Variants in COL15A1 observed in about 807,000 individuals in gnomAD.
COL15A1 encodes the protein collagen type XV alpha 1 chain, also known as collagen alpha-1(XV) chain.
Under a neutral mutation model 165.9 loss-of-function variants are expected in COL15A1, and 111 were observed. The observed-to-expected ratio is 0.67, with a 90% CI of 0.57 to 0.78. COL15A1 has a LOEUF of 0.78. Ranked by LOEUF, COL15A1 falls within the 30% of genes least tolerant of loss-of-function variation. The pLI, the probability that COL15A1 is intolerant of heterozygous loss-of-function variation, is 0.00. For synonymous variants in COL15A1, 659 were observed against 674.8 expected, an observed-to-expected ratio of 0.98 and a Z score of 0.36; for missense variants, 1,745 against 1,789.7, an observed-to-expected ratio of 0.98 and a Z score of 0.45.
intron 26 of COL15A1, among the ~76,000 whole-genome samples, chr9:99,046,434 T>A (rs187555530): frequency 1.3e-5 from 2 of 152,174 alleles, no homozygotes; most frequent in Non-Finnish European, 2.9e-5. Flanking sequence ...CACACATTGA[T>A]GTTTGGGAAG....
chr9:99,020,521 C>A, intron 12 of COL15A1, 79 bp downstream of exon 12: 1 of 1,019,810 alleles, frequency 9.8e-7, no homozygotes, highest in Non-Finnish European at 1.5e-6. Context: ...TTTGATTTAG[C>A]CCACTCTGAT....
At chr9:99,019,008 A>C (rs548876993) in intron 11 of COL15A1, among the ~76,000 whole-genome samples, 1 of 152,326 alleles carries the variant, frequency 6.6e-6, no homozygotes, top group South Asian at 2.1e-4. Context: ...AGAGAGAGTT[A>C]GAGATAGAAT....
chr9:98,948,482 C>T (rs537315758), intron 2 of COL15A1, among the ~76,000 whole-genome samples: 2 of 151,728 alleles, frequency 1.3e-5, no homozygotes, highest in African/African-American at 4.8e-5. Context: ...CCTGTAGTCC[C>T]AGCTACTTGG....
chr9:98,956,171 T>C (rs550897186), intron 2 of COL15A1, among the ~76,000 whole-genome samples: 34 of 152,126 alleles, frequency 2.2e-4, no homozygotes, highest in Non-Finnish European at 4.6e-4. Flanking sequence ...CTGGGCGTGG[T>C]GGTGCACGCC....
chr9:99,026,031 C>A, intron 16 of COL15A1, 65 bp downstream of exon 16: 1 of 1,460,236 alleles, frequency 6.8e-7, no homozygotes, highest in Non-Finnish European at 9.3e-7. Context: ...TCTCTCTGAC[C>A]CCTAAACCTG....
intron 24 of COL15A1, among the ~76,000 whole-genome samples, chr9:99,042,923 C>A (rs1399980057): frequency 6.6e-6 from 1 of 152,164 alleles, no homozygotes; most frequent in Non-Finnish European, 1.5e-5. Flanking sequence ...ATCCATCTTT[C>A]GTCCACTGAC....
At chr9:99,028,802 G>A (rs146740021) in intron 16 of COL15A1, among the ~76,000 whole-genome samples, 278 of 152,232 alleles carry the variant, frequency 1.8e-3, no homozygotes, top group Non-Finnish European at 3.2e-3. Flanking sequence ...ACTTACTCAC[G>A]TAACCAAATA....
chr9:99,068,511 G>T, intron 40 of COL15A1, 44 bp from the exon 41 acceptor site: 1 of 762,922 alleles, frequency 1.3e-6, no homozygotes, highest in East Asian at 3.1e-5. Context: ...CTCATTTGTA[G>T]GCTGATGGTA....
rs779953025 is a variant in COL15A1 at position 99,040,535 on chromosome 9, G to T, written c.2490G>T (p.Leu830Phe). 6.2e-7 allele frequency: 1 copy of T among 1,614,198 alleles called. No individual in the cohort carries two copies. The highest frequency in any genetic ancestry group is 8.5e-7 in the Non-Finnish European group (1 of 1,180,032). The change falls in exon 23 of 42, where the codon TTG becomes TTT. Residue 830 changes from leucine (L) to phenylalanine (F), a missense_variant. Transcript: ENST00000375001. ...ELVGPPGPDG[L>F]PGLPGFPGPR... ...GTGTGTCACAGGGGCCGGACGGGTT[G>T]CCTGGGCTGCCAGGATTTCCAGTAA...
intron 30 of COL15A1, 93 bp from the exon 31 acceptor site, chr9:99,052,294 CT>C (rs1300600070): frequency 9.6e-6 from 9 of 942,154 alleles, no homozygotes; most frequent in Non-Finnish European, 1.6e-5. Context: ...GGCATTGCCT[CT>C]TTTGTCACAT....
At position 99,008,561 on chromosome 9, in the gene COL15A1, G is replaced by T. The variant is rs1838799503; in HGVS notation, c.1353+3511G>T. 2.6e-5 allele frequency among the ~76,000 whole-genome samples: 4 copies of T among 152,252 alleles called. No individual in the cohort carries two copies. In the South Asian group the frequency reaches 8.3e-4, roughly 32 times the overall value. On this transcript the variant is annotated intron_variant, in intron 9 of 41. Coordinates refer to ENST00000375001, the MANE Select transcript of COL15A1 (RefSeq NM_001855.5). Reference sequence around the variant, plus strand: ...ACTCACAACTAATTACCAAATTTTTGGAGAGATCAGGTAGAAATATGCTCC... The same window carrying T: ...ACTCACAACTAATTACCAAATTTTTTGAGAGATCAGGTAGAAATATGCTCC...
chr9:99,017,770 G>A (rs1838961003), intron 11 of COL15A1, among the ~76,000 whole-genome samples: 1 of 152,186 alleles, frequency 6.6e-6, no homozygotes, highest in South Asian at 2.1e-4. Context: ...TCTCCCTAGT[G>A]ATGCCACATC....
rs1369092442 is a variant in COL15A1, at chr9:99,070,648, T to C, written c.*762T>C. ...CAATTTTATGACTTCCATTTGGCAATTGTTGAATTATAACTGCGACTGAAA... is the reference window on the plus strand; with the variant it reads ...CAATTTTATGACTTCCATTTGGCAACTGTTGAATTATAACTGCGACTGAAA... On this transcript the variant is annotated 3_prime_UTR_variant, in exon 42 of 42. Transcript: ENST00000375001. The C allele has an allele frequency of 2.2e-6, 1 of 453,332 alleles. No homozygotes were observed. The allele number at this position is 453,332 out of a possible 1,614,324, so 28.1% of individuals were successfully genotyped here.
At position 98,965,888 on chromosome 9, in the gene COL15A1, G is replaced by C. The variant is rs983369085; in HGVS notation, c.101-19677G>C. Among the ~76,000 whole-genome samples, 81 of 151,816 alleles carry C rather than the reference G, an allele frequency of 5.3e-4. 1 individual carries two copies. Among genetic ancestry groups the C allele is most frequent in the African/African-American group, 1.9e-3 (79 of 41,270 alleles). On this transcript the variant is annotated intron_variant, in intron 2 of 41. Coordinates refer to ENST00000375001, the MANE Select transcript of COL15A1 (RefSeq NM_001855.5). ...AGGGGACCCAATTCCTTGTCCTCTTGATCCCCCAGAGCCCAGCCCAGGTCA... is the reference window on the plus strand; with the variant it reads ...AGGGGACCCAATTCCTTGTCCTCTTCATCCCCCAGAGCCCAGCCCAGGTCA...
chr9:99,060,234 T>TATA (rs1825788210), intron 36 of COL15A1, among the ~76,000 whole-genome samples: 5 of 84,856 alleles, frequency 5.9e-5, no homozygotes, highest in Admixed American at 2.8e-4. Flanking sequence ...TTATATATTT[T>TATA]TATATATATA....
At chr9:99,040,178 A>C (rs1184123431) in intron 22 of COL15A1, among the ~76,000 whole-genome samples, 1 of 152,150 alleles carries the variant, frequency 6.6e-6, no homozygotes, top group East Asian at 1.9e-4. Context: ...TCCCCAAGCT[A>C]TTGGAGGTTT....
At chr9:98,988,122 G>C (rs905881626) in intron 4 of COL15A1, among the ~76,000 whole-genome samples, 12 of 152,206 alleles carry the variant, frequency 7.9e-5, no homozygotes, top group African/African-American at 2.9e-4. Flanking sequence ...GCGCATTCCT[G>C]CAATTCCTGT....
chr9:99,040,794 C>A, intron 23 of COL15A1: 1 of 625,086 alleles, frequency 1.6e-6, no homozygotes. Flanking sequence ...GCTGGGATTA[C>A]AAGCATGAGC....
intron 2 of COL15A1, among the ~76,000 whole-genome samples, chr9:98,950,155 A>C (rs1179549411): frequency 6.6e-6 from 1 of 152,186 alleles, no homozygotes; most frequent in East Asian, 1.9e-4. Context: ...GAACATTTGC[A>C]TACAAGTATT....
Sources: gnomAD v4.1 joint callset for allele counts (sites outside exome capture counted in the v4.1 genomes callset) on GRCh38, gnomAD v4.1.1 for gene constraint, MANE v1.5 for transcripts, NCBI Gene and HGNC (gene_info 2026-07-23, HGNC 2026-07-21) for gene names.